The following ARID5B variants were observed in gnomAD, a reference collection of about 807,000 sequenced individuals.
The protein encoded by ARID5B is AT-rich interactive domain-containing protein 5B.
Under a neutral mutation model 97.2 loss-of-function variants are expected in ARID5B, and 13 were observed. That is an observed-to-expected ratio of 0.13 (90% confidence interval 0.09 to 0.21). The LOEUF (loss-of-function observed/expected upper bound fraction) is 0.21, where lower values mean the gene tolerates loss of function less well. Among genes scored for constraint, ARID5B ranks in the 10% least tolerant of loss-of-function variants. The pLI is 1.00. For missense variants in ARID5B, 1,210 were observed against 1,465.3 expected, an observed-to-expected ratio of 0.83 and a Z score of 2.84; for synonymous variants, 556 against 570.3, an observed-to-expected ratio of 0.97 and a Z score of 0.36.
chr10:61,921,959 A>G (rs1844023180), intron 2 of ARID5B, among the ~76,000 whole-genome samples: 1 of 152,068 alleles, frequency 6.6e-6, no homozygotes, highest in Non-Finnish European at 1.5e-5. Context: ...CTCCCACCTC[A>G]GCCTTCCAAA....
chr10:62,091,612 A>G lies in ARID5B; in HGVS notation c.2149A>G (p.Ile717Val), dbSNP rs764739348. 6.2e-7 allele frequency: 1 copy of G among 1,613,590 alleles called. No individual in the cohort carries two copies. The highest frequency in any genetic ancestry group is 8.5e-7 in the Non-Finnish European group (1 of 1,179,892). The change falls in exon 10 of 10, where the codon ATC (isoleucine) becomes GTC (valine). Residue 717 changes from isoleucine (I) to valine (V), a missense_variant. Ile to Val is a conservative substitution (Grantham distance 29). Transcript: ENST00000279873. Reference protein sequence around the residue: ...SYPYGSPPPLISKKKLIARDD... With the variant: ...SYPYGSPPPLVSKKKLIARDD... ...CCCTTATGGCTCCCCACCCCCTTTG[A>G]TCAGCAAAAAGAAACTGATTGCTAG...
intron 4 of ARID5B, among the ~76,000 whole-genome samples, chr10:62,015,159 A>T (rs1463157798): frequency 1.3e-5 from 2 of 152,234 alleles, no homozygotes; most frequent in Admixed American, 6.5e-5. Context: ...CTAAGAGATA[A>T]CCACTTAATG....
intron 4 of ARID5B, among the ~76,000 whole-genome samples, chr10:62,014,372 C>T (rs531211680): frequency 8.5e-5 from 13 of 152,104 alleles, no homozygotes; most frequent in Non-Finnish European, 1.9e-4. Context: ...TGCTTCTGTT[C>T]GGGTGTGATG....
At chr10:62,032,248 G>T (rs1015644763) in intron 4 of ARID5B, among the ~76,000 whole-genome samples, 1 of 152,290 alleles carries the variant, frequency 6.6e-6, no homozygotes, top group African/African-American at 2.4e-5. Context: ...GAGCCCAGGA[G>T]TTCAAGGTTA....
intron 7 of ARID5B, among the ~76,000 whole-genome samples, chr10:62,060,401 AAT>A (rs2132942936): frequency 6.6e-6 from 1 of 152,340 alleles, no homozygotes; most frequent in East Asian, 1.9e-4. Context: ...ATGTGCTTGT[AAT>A]ATGTTTCATA....
chr10:62,028,659 C>T (rs1048864295), intron 4 of ARID5B, among the ~76,000 whole-genome samples: 3 of 152,086 alleles, frequency 2.0e-5, no homozygotes, highest in African/African-American at 7.2e-5. Flanking sequence ...TGAAGTGCTG[C>T]ACATAAAGCT....
intron 2 of ARID5B, among the ~76,000 whole-genome samples, chr10:61,923,060 G>T (rs375292230): frequency 6.6e-6 from 1 of 152,124 alleles, no homozygotes. Context: ...GTTAAACCTA[G>T]TGGGAACTTA....
chr10:62,057,448 C>T (rs1399736334), intron 6 of ARID5B, 130 bp downstream of exon 6: 4 of 959,698 alleles, frequency 4.2e-6, no homozygotes, highest in Non-Finnish European at 6.1e-6. Context: ...TATACTAAAT[C>T]CATAAATGTT....
intron 8 of ARID5B, among the ~76,000 whole-genome samples, chr10:62,081,952 T>G (rs1206229092): frequency 6.6e-6 from 1 of 152,194 alleles, no homozygotes; most frequent in Non-Finnish European, 1.5e-5. Flanking sequence ...AAATCAAGGT[T>G]ATAATGCTAT....
At chr10:61,946,070 A>G (rs1844493805) in intron 3 of ARID5B, among the ~76,000 whole-genome samples, 1 of 148,172 alleles carries the variant, frequency 6.7e-6, no homozygotes. Context: ...TTATATATTT[A>G]TATATTAATA....
chr10:61,930,530 C>A (rs1844186848), intron 2 of ARID5B, among the ~76,000 whole-genome samples: 1 of 151,846 alleles, frequency 6.6e-6, no homozygotes, highest in African/African-American at 2.4e-5. Flanking sequence ...ACCATCCTGG[C>A]TAACACGGTG....
In ARID5B at chr10:62,006,268, C is replaced by T. The variant is rs985646024; in HGVS notation, c.733+5947C>T. Among the ~76,000 whole-genome samples, 4 of 152,074 alleles carry T rather than the reference C, an allele frequency of 2.6e-5. No individual in the cohort carries two copies. The East Asian group carries it at 5.8e-4, about 22-fold the overall frequency. ...ACCAGCCTGGCCAATGTGGTGAAAC[C>T]TCTTCTCTACTAAAAATACAAAAAT... On this transcript the variant is annotated intron_variant, in intron 4 of 9. Transcript: ENST00000279873.
chr10:61,995,638 T>G (rs1340378038), intron 3 of ARID5B, among the ~76,000 whole-genome samples: 2 of 151,284 alleles, frequency 1.3e-5, no homozygotes, highest in Non-Finnish European at 3.0e-5. Context: ...ATATTTTGTC[T>G]TGAGGAAAAA....
intron 4 of ARID5B, chr10:62,049,191 T>C: frequency 1.5e-5 from 19 of 1,288,798 alleles, no homozygotes; most frequent in Non-Finnish European, 1.9e-5. Context: ...ACCATCTCCG[T>C]GCGGGGAGGT....
At chr10:62,049,493 ACTTTCTC>A (rs1564636658) in intron 4 of ARID5B, 2 of 1,550,386 alleles carry the variant, frequency 1.3e-6, no homozygotes, top group Non-Finnish European at 1.7e-6. Context: ...GGTAATCGCT[ACTTTCTC>A]TTTGCTTGAT....
rs145735372 is a variant in ARID5B, at chr10:62,094,305, G to A, written c.*1275G>A. On this transcript the variant is annotated 3_prime_UTR_variant, in exon 10 of 10. Coordinates refer to ENST00000279873, the MANE Select transcript of ARID5B (RefSeq NM_032199.3). Reference sequence around the variant, plus strand: ...CAGTCCTGATAGCTTCTCTAGCCTCGGTCTTTTGAGTGATAAGTAGTCATG... The same window carrying A: ...CAGTCCTGATAGCTTCTCTAGCCTCAGTCTTTTGAGTGATAAGTAGTCATG... The A allele has an allele frequency of 2.1e-4, 48 of 231,044 alleles. No individual in the cohort carries two copies. The highest frequency in any genetic ancestry group is 7.5e-4 in the African/African-American group (34 of 45,328). The allele number at this position is 231,044 out of a possible 1,614,324, so 14.3% of individuals were successfully genotyped here.
intron 3 of ARID5B, among the ~76,000 whole-genome samples, chr10:61,958,587 C>T (rs1019584316): frequency 6.6e-6 from 1 of 152,164 alleles, no homozygotes; most frequent in Admixed American, 6.5e-5. Context: ...TGAGGAGACT[C>T]CCATCCCATG....
intron 7 of ARID5B, among the ~76,000 whole-genome samples, chr10:62,067,191 TCTC>T (rs1235594465): frequency 2.6e-5 from 4 of 152,142 alleles, no homozygotes; most frequent in African/African-American, 7.2e-5. Context: ...TTCAAGCAAT[TCTC>T]CTGCCTCAGC....
At chr10:61,940,127 A>C in intron 2 of ARID5B, 56 bp from the exon 3 acceptor site, 2 of 1,538,372 alleles carry the variant, frequency 1.3e-6, no homozygotes, top group Non-Finnish European at 9.0e-7. Flanking sequence ...AGAGTGGATC[A>C]TTTCCCTCAA....
Sources: allele counts gnomAD v4.1 joint callset (sites outside exome capture counted in the v4.1 genomes callset), GRCh38; gene constraint gnomAD v4.1.1; transcripts MANE v1.5; gene names NCBI Gene and HGNC (gene_info 2026-07-23, HGNC 2026-07-21).